DCP2: variants seen among roughly 807,000 people sequenced by gnomAD.
The protein encoded by DCP2 is decapping mRNA 2, also known as m7GpppN-mRNA hydrolase.
DCP2 carries 30 observed loss-of-function variants against 56.1 expected under a neutral mutation model. The observed-to-expected ratio is 0.53, with a 90% confidence interval of 0.40 to 0.73. DCP2 has a LOEUF of 0.73. DCP2 is among the 30% of genes least tolerant of loss of function. The probability of loss-of-function intolerance (pLI) is 0.00; values close to 1 mark genes in which losing one functional copy is unlikely to be tolerated. For missense variants in DCP2, 533 were observed against 502.7 expected, an observed-to-expected ratio of 1.06 and a Z score of -0.58; for synonymous variants, 197 against 163.3, an observed-to-expected ratio of 1.21 and a Z score of -1.57.
rs1749162976 is a variant in DCP2, at chr5:113,001,256, T to C, written c.585+20T>C. On this transcript the variant is annotated intron_variant, in intron 5 of 10. Transcript: ENST00000389063. ...ATTCGGGTATGTAACAAGAGTATTT[T>C]CAGGTTACTGGACAGTATCCCAAAT... 6.2e-7 allele frequency: 1 copy of C among 1,611,252 alleles called. No individual in the cohort carries two copies. The highest frequency in any genetic ancestry group is 1.7e-5 in the Admixed American group (1 of 59,604).
chr5:112,993,485 G>A (rs1400649644), intron 4 of DCP2, among the ~76,000 whole-genome samples: 2 of 151,922 alleles, frequency 1.3e-5, no homozygotes, highest in African/African-American at 2.4e-5. Flanking sequence ...AATTAGCTGG[G>A]CGTGGTGGTA....
At chr5:112,981,029 A>G (rs1747979701) in intron 1 of DCP2, among the ~76,000 whole-genome samples, 12 of 149,644 alleles carry the variant, frequency 8.0e-5, no homozygotes, top group Admixed American at 8.0e-4. Flanking sequence ...TGACTTTATG[A>G]TTTTTTTTTT....
intron 8 of DCP2, among the ~76,000 whole-genome samples, chr5:113,007,337 C>G (rs1453697540): frequency 6.6e-6 from 1 of 151,580 alleles, no homozygotes; most frequent in South Asian, 2.1e-4. Context: ...GAAACGAGAT[C>G]TATAAGCAGA....
intron 4 of DCP2, among the ~76,000 whole-genome samples, chr5:112,993,374 C>T (rs924202072): frequency 3.3e-5 from 5 of 152,112 alleles, no homozygotes; most frequent in Non-Finnish European, 5.9e-5. Context: ...GTGGCTCACG[C>T]CTGAATATGG....
chr5:113,013,189 C>T, intron 10 of DCP2, 132 bp from the exon 11 acceptor site: 1 of 828,750 alleles, frequency 1.2e-6, no homozygotes, highest in Non-Finnish European at 1.7e-6. Flanking sequence ...TTTGGTGGTT[C>T]TGTTTAGGGT....
intron 1 of DCP2, among the ~76,000 whole-genome samples, chr5:112,979,918 T>G (rs906894391): frequency 6.6e-6 from 1 of 152,092 alleles, no homozygotes; most frequent in African/African-American, 2.4e-5. Flanking sequence ...GGGGAAGGGG[T>G]ATATGTATTC....
intron 2 of DCP2, among the ~76,000 whole-genome samples, chr5:112,989,177 G>C (rs146847225): frequency 6.6e-6 from 1 of 152,194 alleles, no homozygotes; most frequent in African/African-American, 2.4e-5. Flanking sequence ...ACAGTGTTCA[G>C]TGGGAACAGA....
At chr5:112,993,624 CAAAA>C (rs769397326) in intron 4 of DCP2, among the ~76,000 whole-genome samples, 1 of 63,950 alleles carries the variant, frequency 1.6e-5, no homozygotes, top group Non-Finnish European at 3.2e-5. Flanking sequence ...AACACTATCT[CAAAA>C]AAAAAAAAAA....
chr5:113,004,117 T>A, intron 8 of DCP2, 40 bp downstream of exon 8: 1 of 1,590,848 alleles, frequency 6.3e-7, no homozygotes, highest in Non-Finnish European at 8.5e-7. Context: ...GAAATTTAGA[T>A]CATTTGGCTT....
Position 113,013,629 on chromosome 5 carries a change from T to A in DCP2, c.*145T>A. On this transcript the variant is annotated 3_prime_UTR_variant, in exon 11 of 11. Transcript: ENST00000389063. ...AAGACATTTTCTGTTTATAAGAGAG[T>A]AGAAAGAAACACGAGTTTGCACTGT... The A allele has an allele frequency of 1.0e-6, 1 of 986,704 alleles. No homozygotes were observed. The highest frequency in any genetic ancestry group is 1.5e-6 in the Non-Finnish European group (1 of 673,266). 61.1% of individuals were successfully genotyped at this position (986,704 alleles called of 1,614,324 possible).
At chr5:112,990,221 C>T (rs552263038) in intron 2 of DCP2, among the ~76,000 whole-genome samples, 3 of 152,168 alleles carry the variant, frequency 2.0e-5, no homozygotes, top group South Asian at 2.1e-4. Context: ...TAAGAGCATA[C>T]GTTCTCGAGC....
chr5:112,997,607 CTTTTTCTTTTTT>C lies in DCP2; in HGVS notation c.433-3471_433-3460del, dbSNP rs551570657. ...TCTTTGGGTTACACTTTTTCTTTTT[CTTTTTCTTTTTT>C]TTTTTTTTGAGACGGAGTCTTGTTC... On this transcript the variant is annotated intron_variant, in intron 4 of 10. Coordinates refer to ENST00000389063, the MANE Select transcript of DCP2 (RefSeq NM_152624.6). Among the ~76,000 whole-genome samples, 147 of 150,090 alleles carry C rather than the reference CTTTTTCTTTTTT, an allele frequency of 9.8e-4. 1 individual carries two copies. The South Asian group carries it at 0.014, about 14-fold the overall frequency.
intron 1 of DCP2, among the ~76,000 whole-genome samples, chr5:112,983,615 C>T (rs1748112195): frequency 6.6e-6 from 1 of 151,922 alleles, no homozygotes; most frequent in South Asian, 2.1e-4. Flanking sequence ...TATGGAATGA[C>T]AGTGTAGTGG....
In DCP2 at chr5:113,003,992, G is replaced by T. The variant is rs764138293; in HGVS notation, c.857G>T (p.Gly286Val). The change falls in exon 8 of 11, where the codon GGT becomes GTT. Residue 286 changes from glycine (G) to valine (V), a missense_variant. Transcript: ENST00000389063. ...CAGTTATTTCCTGACGGTTCTCCTG[G>T]TGACCAGTGGGTAAAGCACAGGCAA... ...SQQLFPDGSP[G>V]DQWVKHRQPL... The T allele has an allele frequency of 6.2e-7, 1 of 1,614,088 alleles. No homozygotes were observed. The highest frequency in any genetic ancestry group is 1.1e-5 in the South Asian group (1 of 91,074).
Position 112,992,232 on chromosome 5 carries a change from A to AT in DCP2, c.318dup (p.Glu107Ter). ...CCAACATATGGTGCAATTATTCTTG[A>AT]TGAGACACTTGAAAATGTGAGTGTA... On this transcript the variant is annotated frameshift_variant, in exon 3 of 11. Transcript: ENST00000389063. LOFTEE classifies it high-confidence loss of function. The AT allele has an allele frequency of 6.2e-7, 1 of 1,611,728 alleles. No homozygotes were observed. The highest frequency in any genetic ancestry group is 8.5e-7 in the Non-Finnish European group (1 of 1,179,472).
intron 8 of DCP2, 149 bp downstream of exon 8, chr5:113,004,226 G>T: frequency 1.1e-6 from 1 of 891,098 alleles, no homozygotes; most frequent in Non-Finnish European, 1.7e-6. Context: ...ATTTGAAGCA[G>T]GGCTGAGGCT....
intron 1 of DCP2, among the ~76,000 whole-genome samples, chr5:112,982,931 T>A (rs1420561900): frequency 6.6e-6 from 1 of 152,212 alleles, no homozygotes; most frequent in Non-Finnish European, 1.5e-5. Context: ...TTAATACGCT[T>A]CTCCTTTATG....
intron 2 of DCP2, among the ~76,000 whole-genome samples, chr5:112,989,034 T>C (rs140448709): frequency 1.3e-5 from 2 of 152,342 alleles, no homozygotes; most frequent in Non-Finnish European, 2.9e-5. Context: ...GTACACTTCA[T>C]TAAGTAACTT....
intron 9 of DCP2, 174 bp downstream of exon 9, chr5:113,008,216 C>G (rs1561703735): frequency 5.8e-6 from 3 of 514,358 alleles, no homozygotes; most frequent in Non-Finnish European, 7.0e-6. Flanking sequence ...TCTGGCTGCT[C>G]TTAATTACAA....
Sources: gnomAD v4.1 joint callset for allele counts (sites outside exome capture counted in the v4.1 genomes callset) on GRCh38, gnomAD v4.1.1 for gene constraint, MANE v1.5 for transcripts, NCBI Gene and HGNC (gene_info 2026-07-23, HGNC 2026-07-21) for gene names.